Variants in MACROD2 observed in about 807,000 individuals in gnomAD.
MACROD2 encodes the protein ADP-ribose glycohydrolase MACROD2.
MACROD2 carries 36 observed loss-of-function variants against 70.4 expected under a neutral mutation model. The ratio of observed to expected loss-of-function variants is 0.51; its 90% confidence interval spans 0.39 to 0.68. MACROD2 has a LOEUF of 0.68. MACROD2 is among the 30% of genes least tolerant of loss of function. The pLI is 0.00. For missense variants in MACROD2, 496 were observed against 538.4 expected (o/e 0.92, Z 0.78); for synonymous variants, 172 against 178.8 (o/e 0.96, Z 0.30).
intron 5 of MACROD2, among the ~76,000 whole-genome samples, chr20:15,021,982 A>T (rs77486574): frequency 0.11 from 16,000 of 152,176 alleles, 1,120 homozygotes; most frequent in Non-Finnish European, 0.15. Context: ...ATTCTTCTGT[A>T]AGCCAAAAAC....
chr20:14,088,540 C>T (rs1337073686), intron 3 of MACROD2, among the ~76,000 whole-genome samples: 3 of 152,046 alleles, frequency 2.0e-5, no homozygotes, highest in African/African-American at 7.2e-5. Flanking sequence ...ACTCTTAGTT[C>T]TGTCCTGAGG....
chr20:15,859,390 T>C (rs141136990), intron 8 of MACROD2, among the ~76,000 whole-genome samples: 1 of 152,224 alleles, frequency 6.6e-6, no homozygotes, highest in Non-Finnish European at 1.5e-5. Flanking sequence ...GTAGATCCCA[T>C]TTCCCAATGA....
chr20:14,353,869 T>C (rs1217802074), intron 3 of MACROD2, among the ~76,000 whole-genome samples: 1 of 152,108 alleles, frequency 6.6e-6, no homozygotes, highest in Non-Finnish European at 1.5e-5. Flanking sequence ...ACCATGATGA[T>C]TGGCTGGGGG....
intron 3 of MACROD2, among the ~76,000 whole-genome samples, chr20:14,452,020 A>G (rs1190286395): frequency 6.6e-6 from 1 of 152,094 alleles, no homozygotes; most frequent in Non-Finnish European, 1.5e-5. Flanking sequence ...TGAAGGTGAC[A>G]CTGCTGAGTC....
chr20:15,319,641 G>A lies in MACROD2; in HGVS notation c.540+89580G>A, dbSNP rs118016462. Among the ~76,000 whole-genome samples, 79 of 152,232 alleles carry A rather than the reference G, an allele frequency of 5.2e-4. No homozygotes were observed. The East Asian group carries it at 0.014, about 28-fold the overall frequency. ...CATCCCCTAGAATTTTCACTTCTAG[G>A]TAAATACCCCAAAGAGTGAACAACA... On this transcript the variant is annotated intron_variant, in intron 6 of 17. Coordinates refer to ENST00000684519, the MANE Select transcript of MACROD2 (RefSeq NM_001351661.2).
At chr20:15,511,992 T>C (rs527696322) in intron 8 of MACROD2, among the ~76,000 whole-genome samples, 1 of 152,348 alleles carries the variant, frequency 6.6e-6, no homozygotes, top group East Asian at 1.9e-4. Context: ...AACAATCTTT[T>C]ATGGCTAAGA....
chr20:14,049,639 G>A (rs1314740607), intron 2 of MACROD2, among the ~76,000 whole-genome samples: 1 of 151,308 alleles, frequency 6.6e-6, no homozygotes, highest in Non-Finnish European at 1.5e-5. Flanking sequence ...TGTAATCCCA[G>A]CTACTAAGGA....
chr20:15,428,639 G>T (rs6079816), intron 6 of MACROD2, among the ~76,000 whole-genome samples: 35,564 of 152,008 alleles, frequency 0.23, 4,697 homozygotes, highest in Non-Finnish European at 0.31. Flanking sequence ...CCTTTACCTT[G>T]TCACATCTTC....
intron 3 of MACROD2, among the ~76,000 whole-genome samples, chr20:14,380,962 C>G (rs2083414916): frequency 6.6e-6 from 1 of 152,054 alleles, no homozygotes; most frequent in African/African-American, 2.4e-5. Context: ...CTTGTATTTT[C>G]TCTTTTATTT....
At chr20:14,471,775 T>C (rs1157183696) in intron 3 of MACROD2, among the ~76,000 whole-genome samples, 6 of 152,146 alleles carry the variant, frequency 3.9e-5, no homozygotes, top group Non-Finnish European at 5.9e-5. Context: ...AAACTACCTT[T>C]AGGGGAAAAT....
chr20:14,095,531 C>T (rs991240145), intron 3 of MACROD2, among the ~76,000 whole-genome samples: 1 of 152,074 alleles, frequency 6.6e-6, no homozygotes, highest in African/African-American at 2.4e-5. Flanking sequence ...GGTTATACAG[C>T]CAGTAAGTAG....
rs2047971762 is a variant in MACROD2 at position 15,542,550 on chromosome 20, A to AGG, written c.645+42704_645+42705dup. The stretch of plus-strand genomic sequence containing the variant: ...CTGGGAGGGGCCTTGGAAGGAGGTA[A>AGG]GGCTTCAGTGGCCTTCAAAGATAGA... On this transcript the variant is annotated intron_variant, in intron 8 of 17. Transcript: ENST00000684519. Among the ~76,000 whole-genome samples, 8 of 152,270 alleles carry AGG rather than the reference A, an allele frequency of 5.3e-5. No individual in the cohort carries two copies. The South Asian group carries it at 1.7e-3, about 32-fold the overall frequency.
At chr20:14,485,938 C>T (rs1336877508) in intron 3 of MACROD2, among the ~76,000 whole-genome samples, 1 of 151,946 alleles carries the variant, frequency 6.6e-6, no homozygotes. Flanking sequence ...GAACAGGGGC[C>T]ATCCTTATGA....
rs114422016 is a variant in MACROD2 at position 14,430,805 on chromosome 20, G to T, written c.272-62674G>T. ...CAACAGTGTTGTGTTAGACTTCAAG[G>T]AAGGCTGCATGAGAGGAGGAGACCC... On this transcript the variant is annotated intron_variant, in intron 3 of 17. Coordinates refer to ENST00000684519, the MANE Select transcript of MACROD2 (RefSeq NM_001351661.2). Among the ~76,000 whole-genome samples the T allele has an allele frequency of 4.4e-3, 675 of 152,220 alleles. 7 individuals carry two copies. The highest frequency in any genetic ancestry group is 0.015 in the African/African-American group (640 of 41,524).
chr20:15,079,823 A>G (rs2123130413), intron 5 of MACROD2, among the ~76,000 whole-genome samples: 2 of 152,190 alleles, frequency 1.3e-5, no homozygotes, highest in Middle Eastern at 6.8e-3. Context: ...AAGTCTCTTC[A>G]CATTCCCTCA....
At chr20:14,494,383 T>G (rs1489078352) in intron 4 of MACROD2, among the ~76,000 whole-genome samples, 1 of 152,094 alleles carries the variant, frequency 6.6e-6, no homozygotes, top group Non-Finnish European at 1.5e-5. Context: ...TATTTGGAAA[T>G]TAAGCATTTA....
intron 5 of MACROD2, among the ~76,000 whole-genome samples, chr20:15,075,815 A>G (rs897548507): frequency 1.3e-5 from 2 of 152,088 alleles, no homozygotes; most frequent in African/African-American, 4.8e-5. Context: ...CACAGTGACC[A>G]CTGCAGGGTA....
chr20:14,885,232 A>G (rs2073659425), intron 5 of MACROD2, among the ~76,000 whole-genome samples: 1 of 152,140 alleles, frequency 6.6e-6, no homozygotes, highest in Non-Finnish European at 1.5e-5. Context: ...CCAGAAACTC[A>G]GTCATCACCT....
intron 6 of MACROD2, among the ~76,000 whole-genome samples, chr20:15,325,461 T>C (rs2077918840): frequency 6.6e-6 from 1 of 152,142 alleles, no homozygotes; most frequent in Non-Finnish European, 1.5e-5. Flanking sequence ...TCATATGCCA[T>C]TGTTCTCCTT....
Sources: gnomAD v4.1 joint callset for allele counts (sites outside exome capture counted in the v4.1 genomes callset) on GRCh38, gnomAD v4.1.1 for gene constraint, MANE v1.5 for transcripts, NCBI Gene and HGNC (gene_info 2026-07-23, HGNC 2026-07-21) for gene names.